PTPRC: variants seen among roughly 807,000 people sequenced by gnomAD.
PTPRC encodes receptor-type tyrosine-protein phosphatase C.
PTPRC carries 44 observed loss-of-function variants against 155.9 expected under a neutral mutation model. The ratio of observed to expected loss-of-function variants is 0.28; its 90% confidence interval spans 0.22 to 0.36. PTPRC has a LOEUF of 0.36. Ranked by LOEUF, PTPRC falls within the 10% of genes least tolerant of loss-of-function variation. PTPRC has a pLI of 1.00. For synonymous variants in PTPRC, 525 were observed against 533.1 expected, an observed-to-expected ratio of 0.98 and a Z score of 0.21; for missense variants, 1,401 against 1,564.6, an observed-to-expected ratio of 0.90 and a Z score of 1.76.
chr1:198,649,039 A>G (rs970258477), intron 2 of PTPRC, among the ~76,000 whole-genome samples: 6 of 151,844 alleles, frequency 4.0e-5, no homozygotes, highest in Non-Finnish European at 1.5e-5. Flanking sequence ...ATCTTTTCAT[A>G]GTCATCCAAA....
chr1:198,659,801 C>A (rs1663838450), intron 2 of PTPRC, among the ~76,000 whole-genome samples: 1 of 151,668 alleles, frequency 6.6e-6, no homozygotes, highest in Admixed American at 6.6e-5. Flanking sequence ...CTTGGCCTCC[C>A]AAAGTATTGG....
intron 2 of PTPRC, among the ~76,000 whole-genome samples, chr1:198,660,071 TC>T (rs1488135437): frequency 5.2e-5 from 6 of 114,628 alleles, no homozygotes; most frequent in Non-Finnish European, 8.9e-5. Flanking sequence ...ATATATATGA[TC>T]TTTTTTTTGA....
At chr1:198,684,356 G>A (rs1036344292) in intron 2 of PTPRC, among the ~76,000 whole-genome samples, 2 of 151,694 alleles carry the variant, frequency 1.3e-5, no homozygotes, top group Non-Finnish European at 2.9e-5. Flanking sequence ...AAACATTATT[G>A]TAAATATTGG....
At chr1:198,729,307 T>TAAGCAGAGATTGCA in intron 17 of PTPRC, 136 bp downstream of exon 17, 1 of 1,126,234 alleles carries the variant, frequency 8.9e-7, no homozygotes, top group Non-Finnish European at 1.2e-6. Context: ...GGTGGTGCAA[T>TAAGCAGAGATTGCA]CTCTGCTTAT....
intron 2 of PTPRC, among the ~76,000 whole-genome samples, chr1:198,675,191 TCC>T (rs963548793): frequency 1.3e-5 from 2 of 152,138 alleles, no homozygotes; most frequent in African/African-American, 4.8e-5. Flanking sequence ...ACTCTATTTT[TCC>T]CAGTTCTAAA....
intron 2 of PTPRC, chr1:198,679,247 T>A (rs1665144452): frequency 6.4e-6 from 1 of 156,756 alleles, no homozygotes; most frequent in South Asian, 1.8e-4. Flanking sequence ...TTTTTTTTTT[T>A]TTTTGAGACG....
intron 9 of PTPRC, among the ~76,000 whole-genome samples, chr1:198,707,897 A>G (rs919004167): frequency 7.9e-5 from 12 of 152,246 alleles, no homozygotes; most frequent in Non-Finnish European, 1.8e-4. Context: ...TTAACGTGGT[A>G]TAACTTATAA....
intron 2 of PTPRC, among the ~76,000 whole-genome samples, chr1:198,659,921 A>G (rs1663846614): frequency 1.3e-5 from 2 of 150,978 alleles, no homozygotes; most frequent in Admixed American, 6.6e-5. Flanking sequence ...TTTTCTTTAA[A>G]ATGCATATCA....
In PTPRC at chr1:198,726,542, A is replaced by C. The variant is rs148239201; in HGVS notation, c.1721-1798A>C. On this transcript the variant is annotated intron_variant, in intron 15 of 32. Coordinates refer to ENST00000442510, the MANE Select transcript of PTPRC (RefSeq NM_002838.5). ...TTTAATCTATTTGCCCTATGAGTCA[A>C]AGAAATGACAGAGCCTGAATTCAAG... Among the ~76,000 whole-genome samples the C allele has an allele frequency of 2.6e-5, 4 of 152,318 alleles. No homozygotes were observed. The East Asian group carries it at 7.7e-4, about 29-fold the overall frequency.
rs1363009741 is a variant in PTPRC, at chr1:198,754,291, A to G, written c.3532A>G (p.Ile1178Val). The G allele has an allele frequency of 3.7e-6, 6 of 1,611,342 alleles. No individual in the cohort carries two copies. The highest frequency in any genetic ancestry group is 4.2e-6 in the Non-Finnish European group (5 of 1,177,820). Residue 1178 changes from isoleucine to valine, a missense_variant, in exon 32 of 33, where the codon ATA becomes GTA. Transcript: ENST00000442510. ...TAGGGATGGATCTCAGCAAACGGGA[A>G]TATTTTGTGCTTTGTTAAATCTCTT... ...HCRDGSQQTG[I>V]FCALLNLLES...
chr1:198,722,341 T>C (rs1049922210), intron 14 of PTPRC, 75 bp from the exon 15 acceptor site: 5 of 681,562 alleles, frequency 7.3e-6, no homozygotes, highest in Non-Finnish European at 1.0e-5. Flanking sequence ...TTTTACATTG[T>C]GATATATAAT....
chr1:198,674,257 A>G (rs1339985781), intron 2 of PTPRC, among the ~76,000 whole-genome samples: 1 of 152,106 alleles, frequency 6.6e-6, no homozygotes, highest in East Asian at 1.9e-4. Context: ...AGTCACAGAG[A>G]CTCATGAGAT....
At chr1:198,742,474 C>T in intron 25 of PTPRC, 107 bp downstream of exon 25, 1 of 1,368,482 alleles carries the variant, frequency 7.3e-7, no homozygotes, top group Non-Finnish European at 1.0e-6. Flanking sequence ...TTCACAACCT[C>T]AAACAGTAGA....
In PTPRC at chr1:198,756,185, A is replaced by AAGAC. The variant is rs769176065; in HGVS notation, c.*6_*9dup. The AAGAC allele has an allele frequency of 9.9e-6, 16 of 1,612,924 alleles. No homozygotes were observed. In the African/African-American group the frequency reaches 1.1e-4, roughly 11 times the overall value. On this transcript the variant is annotated 3_prime_UTR_variant, in exon 33 of 33. Coordinates refer to ENST00000442510, the MANE Select transcript of PTPRC (RefSeq NM_002838.5). Reference sequence around the variant, plus strand: ...AGCTTTAAATCAAGGTTCATAGGAAAAGACATAAATGAGGAAACTCCAAAC... The same window carrying AAGAC: ...AGCTTTAAATCAAGGTTCATAGGAAAAGACAGACATAAATGAGGAAACTCCAAAC...
At chr1:198,656,127 C>T (rs1663552370) in intron 2 of PTPRC, among the ~76,000 whole-genome samples, 1 of 152,002 alleles carries the variant, frequency 6.6e-6, no homozygotes, top group Middle Eastern at 3.2e-3. Context: ...GAAGTTTTAA[C>T]AAAATGATAT....
chr1:198,674,394 A>C (rs995227077), intron 2 of PTPRC, among the ~76,000 whole-genome samples: 6 of 151,972 alleles, frequency 3.9e-5, no homozygotes, highest in Non-Finnish European at 5.9e-5. Context: ...AAATTTTACA[A>C]TTGTGAAAAT....
At chr1:198,709,544 G>C in intron 10 of PTPRC, 143 bp from the exon 11 acceptor site, 3 of 733,748 alleles carry the variant, frequency 4.1e-6, no homozygotes, top group Middle Eastern at 9.6e-4. Flanking sequence ...TTATTTTTAG[G>C]GTTTTTTATT....
Position 198,753,391 on chromosome 1 carries a change from G to A in PTPRC, c.3509+619G>A, listed in dbSNP as rs114006322. Reference sequence around the variant, plus strand: ...CCTTAAATAAGCAATATAATTGAAAGAAAGATATATAATATAAAAGTTTAC... The same window carrying A: ...CCTTAAATAAGCAATATAATTGAAAAAAAGATATATAATATAAAAGTTTAC... On this transcript the variant is annotated intron_variant, in intron 31 of 32. Coordinates refer to ENST00000442510, the MANE Select transcript of PTPRC (RefSeq NM_002838.5). Among the ~76,000 whole-genome samples the A allele has an allele frequency of 4.9e-3, 750 of 151,774 alleles. 9 individuals carry two copies. The highest frequency in any genetic ancestry group is 0.017 in the African/African-American group (703 of 41,386).
intron 2 of PTPRC, among the ~76,000 whole-genome samples, chr1:198,646,179 T>A (rs936046688): frequency 2.0e-5 from 3 of 151,838 alleles, no homozygotes; most frequent in African/African-American, 7.2e-5. Context: ...ATATATTACC[T>A]AGTGAAATCC....
Sources: gnomAD v4.1 joint callset for allele counts (sites outside exome capture counted in the v4.1 genomes callset) on GRCh38, gnomAD v4.1.1 for gene constraint, MANE v1.5 for transcripts, NCBI Gene and HGNC (gene_info 2026-07-23, HGNC 2026-07-21) for gene names.